The following DMD variants were observed in gnomAD, a reference collection of about 807,000 sequenced individuals.
DMD encodes dystrophin.
A neutral mutation model predicts 330.1 loss-of-function variants in DMD; 63 were observed. That is an observed-to-expected ratio of 0.19 (90% confidence interval 0.16 to 0.24). DMD has a LOEUF of 0.24. Among genes scored for constraint, DMD ranks in the 10% least tolerant of loss-of-function variants. The probability of loss-of-function intolerance (pLI) is 1.00; values close to 1 mark genes in which losing one functional copy is unlikely to be tolerated. For synonymous variants in DMD, 1,223 were observed against 959.8 expected, an observed-to-expected ratio of 1.27 and a Z score of -5.07; for missense variants, 3,344 against 2,684.1, an observed-to-expected ratio of 1.25 and a Z score of -5.43.
chrX:33,311,461 G>A lies in DMD; in HGVS notation c.7+27798C>T, dbSNP rs201624815. Among the ~76,000 whole-genome samples the A allele has an allele frequency of 2.5e-4, 28 of 110,329 alleles. 1 individual carries two copies. The East Asian group carries it at 7.7e-3, about 30-fold the overall frequency. On this transcript the variant is annotated intron_variant, in intron 1 of 17. Transcript: ENST00000288447. ...TTTTAGTAAATTCAGAAAGACTTTG[G>A]AAATAATCTACCTTATTTACATAAA...
intron 47 of DMD, among the ~76,000 whole-genome samples, chrX:31,910,199 C>T (rs755905474): frequency 7.3e-5 from 8 of 109,188 alleles, no homozygotes; most frequent in Non-Finnish European, 1.4e-4. Context: ...TTACTTTACC[C>T]ACACTTGAAA....
chrX:32,058,006 G>A (rs750906384), intron 44 of DMD, among the ~76,000 whole-genome samples: 2 of 111,180 alleles, frequency 1.8e-5, no homozygotes, highest in Non-Finnish European at 3.8e-5. Context: ...AATGGTGCTG[G>A]GAAAACTGGA....
intron 1 of DMD, among the ~76,000 whole-genome samples, chrX:33,317,796 T>G: frequency 8.9e-6 from 1 of 111,797 alleles, no homozygotes; most frequent in Non-Finnish European, 1.9e-5. Context: ...TCAGCCAAAT[T>G]TATTTAGAGT....
intron 48 of DMD, among the ~76,000 whole-genome samples, chrX:31,861,946 T>TAGACAC (rs535459357): frequency 1.1e-5 from 1 of 87,966 alleles, no homozygotes; most frequent in South Asian, 6.1e-4. Flanking sequence ...GAAAATAATA[T>TAGACAC]ACACACACAC....
At chrX:31,171,911 A>G (rs1241270574) in intron 73 of DMD, among the ~76,000 whole-genome samples, 1 of 111,925 alleles carries the variant, frequency 8.9e-6, no homozygotes, top group African/African-American at 3.2e-5. Context: ...GAAAATGCCC[A>G]ACTAACCTAC....
intron 1 of DMD, among the ~76,000 whole-genome samples, chrX:33,153,184 G>A (rs2048356793): frequency 8.9e-6 from 1 of 112,930 alleles, no homozygotes; most frequent in African/African-American, 3.2e-5. Flanking sequence ...GCCGAGGCAG[G>A]CGGATCACCT....
chrX:32,768,877 A>C (rs1484427182), intron 7 of DMD, among the ~76,000 whole-genome samples: 3 of 111,783 alleles, frequency 2.7e-5, no homozygotes. Context: ...CCACTCAGCC[A>C]GCCACTGCAT....
intron 43 of DMD, among the ~76,000 whole-genome samples, chrX:32,283,287 C>T (rs1218406305): frequency 8.9e-6 from 1 of 111,865 alleles, no homozygotes; most frequent in East Asian, 2.8e-4. Context: ...TTTCAGTCAG[C>T]AAGTTCTAGG....
At chrX:33,301,492 C>T (rs1240684498) in intron 1 of DMD, among the ~76,000 whole-genome samples, 2 of 111,825 alleles carry the variant, frequency 1.8e-5, no homozygotes, top group Non-Finnish European at 3.8e-5. Context: ...CAAAATTATG[C>T]AGTAAGTTTT....
chrX:31,140,786 GTTGCA>G (rs2035946060), intron 76 of DMD, among the ~76,000 whole-genome samples: 1 of 97,545 alleles, frequency 1.0e-5, no homozygotes, highest in African/African-American at 3.6e-5. Flanking sequence ...CTGATTGTTT[GTTGCA>G]CAGAGTATCC....
intron 43 of DMD, among the ~76,000 whole-genome samples, chrX:32,262,999 G>A (rs1052819462): frequency 3.4e-4 from 38 of 111,789 alleles, no homozygotes; most frequent in African/African-American, 1.2e-3. Flanking sequence ...TTTCTTAAAA[G>A]CACTCACTAA....
At chrX:33,118,000 A>G (rs755170320) in intron 1 of DMD, among the ~76,000 whole-genome samples, 70 of 111,554 alleles carry the variant, frequency 6.3e-4, no homozygotes, top group Middle Eastern at 4.7e-3. Context: ...ATGGAGTCCT[A>G]AGGGGAAAAA....
Position 32,932,601 on chromosome X carries a change from C to T in DMD, c.94-82781G>A, listed in dbSNP as rs1258050528. Among the ~76,000 whole-genome samples the T allele has an allele frequency of 3.6e-5, 4 of 111,668 alleles. No individual in the cohort carries two copies. In the East Asian group the frequency reaches 1.1e-3, roughly 31 times the overall value. On this transcript the variant is annotated intron_variant, in intron 2 of 78. Coordinates refer to ENST00000357033, the MANE Select transcript of DMD (RefSeq NM_004006.3). ...ATCATAAGGGTGAAGAAAGGAGAGTCGTGGGTACATATTGAGAGAAAAGTA... is the reference window on the plus strand; with the variant it reads ...ATCATAAGGGTGAAGAAAGGAGAGTTGTGGGTACATATTGAGAGAAAAGTA...
rs773823191 is a variant in DMD at position 32,337,182 on chromosome X, A to G, written c.5922+4918T>C. 2.7e-5 allele frequency among the ~76,000 whole-genome samples: 3 copies of G among 111,407 alleles called. No homozygotes were observed. In the Admixed American group the frequency reaches 2.9e-4, roughly 11 times the overall value. On this transcript the variant is annotated intron_variant, in intron 41 of 78. Coordinates refer to ENST00000357033, the MANE Select transcript of DMD (RefSeq NM_004006.3). Reference sequence around the variant, plus strand: ...GATGCATTTTGCAGGTATATCCAACAAGAGTGGAAATAATTTACATGGTAA... The same window carrying G: ...GATGCATTTTGCAGGTATATCCAACGAGAGTGGAAATAATTTACATGGTAA...
At chrX:32,783,728 T>A in intron 7 of DMD, among the ~76,000 whole-genome samples, 1 of 111,029 alleles carries the variant, frequency 9.0e-6, no homozygotes, top group Non-Finnish European at 1.9e-5. Context: ...TGTGCATAGG[T>A]TATATGCAAA....
intron 49 of DMD, among the ~76,000 whole-genome samples, chrX:31,828,423 T>C (rs952567382): frequency 9.0e-6 from 1 of 111,067 alleles, no homozygotes; most frequent in African/African-American, 3.3e-5. Flanking sequence ...TTTAGCACTT[T>C]GGGAGGCTGA....
chrX:33,104,827 A>G (rs1235809312), intron 1 of DMD, among the ~76,000 whole-genome samples: 3 of 112,606 alleles, frequency 2.7e-5, no homozygotes, highest in Non-Finnish European at 5.6e-5. Context: ...TATCAGTAAT[A>G]ACCTAAAATA....
At chrX:31,492,824 A>G (rs1271996174) in intron 57 of DMD, among the ~76,000 whole-genome samples, 1 of 105,017 alleles carries the variant, frequency 9.5e-6, no homozygotes, top group Non-Finnish European at 1.9e-5. Flanking sequence ...GAGATAAACA[A>G]TGAAAACATA....
chrX:31,955,141 A>G (rs1186705627), intron 45 of DMD, among the ~76,000 whole-genome samples: 2 of 111,500 alleles, frequency 1.8e-5, no homozygotes, highest in African/African-American at 3.3e-5. Flanking sequence ...ATGCCACTGC[A>G]TTCCAGCCTG....
Sources: allele counts gnomAD v4.1 joint callset (sites outside exome capture counted in the v4.1 genomes callset), GRCh38; gene constraint gnomAD v4.1.1; transcripts MANE v1.5; gene names NCBI Gene and HGNC (gene_info 2026-07-23, HGNC 2026-07-21).